CNOT6L: variants seen among roughly 807,000 people sequenced by gnomAD.
The protein encoded by CNOT6L is CCR4-NOT transcription complex subunit 6 like, also known as CCR4-NOT transcription complex subunit 6-like.
In CNOT6L, 7 loss-of-function variants were observed where a neutral mutation model predicts 64.0. The ratio of observed to expected loss-of-function variants is 0.11; its 90% CI spans 0.06 to 0.21. CNOT6L has a LOEUF of 0.21. CNOT6L is among the 10% of genes least tolerant of loss of function. CNOT6L has a pLI of 1.00. For synonymous variants in CNOT6L, 193 were observed against 243.4 expected (o/e 0.79, Z 1.93); for missense variants, 245 against 669.0 (o/e 0.37, Z 6.99).
At chr4:77,804,297 T>C (rs1343351092) in intron 1 of CNOT6L, among the ~76,000 whole-genome samples, 1 of 151,218 alleles carries the variant, frequency 6.6e-6, no homozygotes, top group African/African-American at 2.4e-5. Flanking sequence ...GGCGTGGTGG[T>C]GGGCTCCTGT....
In CNOT6L at chr4:77,726,809, T is replaced by C. The variant is rs569217339; in HGVS notation, c.1253-440A>G. On this transcript the variant is annotated intron_variant, in intron 10 of 11. Coordinates refer to ENST00000504123, the MANE Select transcript of CNOT6L (RefSeq NM_144571.3). ...AAGTAGAGCATATTAATAAAAATAG[T>C]TTACAACAAAAACAGATTTTGCATC... Among the ~76,000 whole-genome samples, 13 of 152,296 alleles carry C rather than the reference T, an allele frequency of 8.5e-5. No homozygotes were observed. The East Asian group carries it at 2.3e-3, about 27-fold the overall frequency.
At chr4:77,803,601 G>A (rs1731859321) in intron 1 of CNOT6L, among the ~76,000 whole-genome samples, 1 of 152,122 alleles carries the variant, frequency 6.6e-6, no homozygotes, top group African/African-American at 2.4e-5. Flanking sequence ...TTACAATGAA[G>A]CCATTAAAAA....
At chr4:77,739,522 GC>G (rs1396185383) in intron 8 of CNOT6L, among the ~76,000 whole-genome samples, 9 of 152,176 alleles carry the variant, frequency 5.9e-5, no homozygotes, top group Admixed American at 5.9e-4. Flanking sequence ...AAGAATAAAG[GC>G]AGGGTATAAT....
chr4:77,818,167 AAC>A (rs1733781134), intron 1 of CNOT6L, among the ~76,000 whole-genome samples: 1 of 152,224 alleles, frequency 6.6e-6, no homozygotes, highest in African/African-American at 2.4e-5. Context: ...GGTAAAATGT[AAC>A]ACTGTGCTTC....
chr4:77,740,026 CA>C (rs201172243), intron 8 of CNOT6L, among the ~76,000 whole-genome samples: 1 of 55,010 alleles, frequency 1.8e-5, no homozygotes, highest in South Asian at 5.2e-4. Flanking sequence ...TTTACTGGTG[CA>C]TTTTTTTTTT....
chr4:77,807,241 G>T (rs1455603047), intron 1 of CNOT6L, among the ~76,000 whole-genome samples: 1 of 137,140 alleles, frequency 7.3e-6, no homozygotes, highest in East Asian at 2.1e-4. Flanking sequence ...TCGCGCCACT[G>T]CATTCCAGCA....
chr4:77,795,271 G>A (rs376180591), intron 1 of CNOT6L, among the ~76,000 whole-genome samples: 4 of 151,924 alleles, frequency 2.6e-5, no homozygotes, highest in South Asian at 4.1e-4. Flanking sequence ...CACCCACCTC[G>A]GCCTCCCAAA....
chr4:77,801,695 G>GGGGA (rs1466472007), intron 1 of CNOT6L, among the ~76,000 whole-genome samples: 2 of 135,018 alleles, frequency 1.5e-5, no homozygotes, highest in African/African-American at 2.8e-5. Flanking sequence ...AAAATTGGGG[G>GGGGA]GGGGGGAGAA....
intron 1 of CNOT6L, among the ~76,000 whole-genome samples, chr4:77,793,487 T>TAA (rs912280510): frequency 6.6e-6 from 1 of 152,192 alleles, no homozygotes; most frequent in African/African-American, 2.4e-5. Context: ...TCTGGTCACA[T>TAA]GGTTAGTGGG....
chr4:77,779,744 G>A (rs1003156166), intron 1 of CNOT6L, among the ~76,000 whole-genome samples: 5 of 152,106 alleles, frequency 3.3e-5, no homozygotes, highest in South Asian at 2.1e-4. Flanking sequence ...GGCAGATCAC[G>A]AGGTCAGGAG....
At chr4:77,819,372 A>G, upstream of CNOT6L, 1 of 1,591,638 alleles carries the variant, frequency 6.3e-7, no homozygotes, top group Non-Finnish European at 8.6e-7. Flanking sequence ...CACACACACA[A>G]ACACGCGCGC....
chr4:77,802,297 G>C (rs188944663), intron 1 of CNOT6L, among the ~76,000 whole-genome samples: 1 of 152,244 alleles, frequency 6.6e-6, no homozygotes, highest in East Asian at 1.9e-4. Flanking sequence ...AAGAAGAGTA[G>C]AGTTACAACT....
At chr4:77,767,062 CAAAA>C (rs56926683) in intron 4 of CNOT6L, among the ~76,000 whole-genome samples, 3 of 25,966 alleles carry the variant, frequency 1.2e-4, no homozygotes, top group African/African-American at 1.5e-4. Flanking sequence ...AACTCCGTCT[CAAAA>C]AAAAAAAAAA....
In CNOT6L at chr4:77,747,170, T is replaced by G. The variant is rs556558054; in HGVS notation, c.559+1146A>C. On this transcript the variant is annotated intron_variant, in intron 6 of 11. Coordinates refer to ENST00000504123, the MANE Select transcript of CNOT6L (RefSeq NM_144571.3). ...TGATTTACCCTTTAAAAATTAACTATCTCTTTTTTTGAGACAGGGTCTTGC... is the reference window on the plus strand; with the variant it reads ...TGATTTACCCTTTAAAAATTAACTAGCTCTTTTTTTGAGACAGGGTCTTGC... Among the ~76,000 whole-genome samples, 19 of 152,196 alleles carry G rather than the reference T, an allele frequency of 1.2e-4. No homozygotes were observed. In the East Asian group the frequency reaches 3.5e-3, roughly 28 times the overall value.
At chr4:77,797,602 G>A (rs1196413449) in intron 1 of CNOT6L, among the ~76,000 whole-genome samples, 4 of 152,086 alleles carry the variant, frequency 2.6e-5, no homozygotes, top group Non-Finnish European at 4.4e-5. Flanking sequence ...TGGAAATTCA[G>A]GTATGCCAAA....
intron 5 of CNOT6L, among the ~76,000 whole-genome samples, chr4:77,749,140 A>G (rs1220139389): frequency 1.3e-5 from 2 of 152,154 alleles, no homozygotes; most frequent in Admixed American, 6.5e-5. Flanking sequence ...TAGCCACAGA[A>G]ATTTTGACCA....
At chr4:77,736,981 G>T (rs1485235428) in intron 8 of CNOT6L, among the ~76,000 whole-genome samples, 2 of 55,080 alleles carry the variant, frequency 3.6e-5, no homozygotes, top group South Asian at 1.0e-3. Context: ...TTCAAATAAA[G>T]ACATAACTCA....
chr4:77,741,315 T>A (rs752202765), intron 8 of CNOT6L, among the ~76,000 whole-genome samples: 3 of 152,138 alleles, frequency 2.0e-5, no homozygotes, highest in Non-Finnish European at 2.9e-5. Context: ...TATGCTTGGA[T>A]CAATAAAAAC....
intron 1 of CNOT6L, among the ~76,000 whole-genome samples, chr4:77,803,243 ATAAT>A (rs1432865974): frequency 1.3e-5 from 2 of 152,190 alleles, no homozygotes; most frequent in Non-Finnish European, 2.9e-5. Flanking sequence ...TATCTCCACT[ATAAT>A]TAACAAATTC....
Sources: gnomAD v4.1 joint callset for allele counts (sites outside exome capture counted in the v4.1 genomes callset) on GRCh38, gnomAD v4.1.1 for gene constraint, MANE v1.5 for transcripts, NCBI Gene and HGNC (gene_info 2026-07-23, HGNC 2026-07-21) for gene names.